VPS36: variants seen among roughly 807,000 people sequenced by gnomAD.
VPS36 encodes the protein vacuolar protein-sorting-associated protein 36.
Under a neutral mutation model 63.5 loss-of-function variants are expected in VPS36, and 31 were observed. The observed-to-expected ratio is 0.49, with a 90% CI of 0.37 to 0.66. The LOEUF is 0.66. VPS36 is among the 30% of genes least tolerant of loss of function. VPS36 has a pLI of 0.00. For synonymous variants in VPS36, 138 were observed against 157.2 expected, an observed-to-expected ratio of 0.88 and a Z score of 0.91; for missense variants, 338 against 463.7, an observed-to-expected ratio of 0.73 and a Z score of 2.49.
chr13:52,429,482 C>G lies in VPS36; in HGVS notation c.529-2263G>C, dbSNP rs1379610938. On this transcript the variant is annotated intron_variant, in intron 6 of 13. Transcript: ENST00000378060. ...TATACACCCCTGCTGCAGCCTATAT[C>G]TTCTCCTTGCAAGGTGTTTCTCCCA... 3 of 161,100 alleles carry G rather than the reference C, an allele frequency of 1.9e-5. No individual in the cohort carries two copies. In the Admixed American group the frequency reaches 2.0e-4, roughly 11 times the overall value. The allele number at this position is 161,100 out of a possible 1,614,324, so 10.0% of individuals were successfully genotyped here.
chr13:52,438,718 G>T (rs1958243680), intron 3 of VPS36, among the ~76,000 whole-genome samples: 1 of 152,138 alleles, frequency 6.6e-6, no homozygotes, highest in Admixed American at 6.6e-5. Context: ...TAAATGTCCT[G>T]CTTTGTACAA....
At chr13:52,434,957 T>A (rs1176044242) in intron 4 of VPS36, 75 bp from the exon 5 acceptor site, 5 of 1,347,488 alleles carry the variant, frequency 3.7e-6, no homozygotes, top group Non-Finnish European at 4.1e-6. Flanking sequence ...TACTTAACAT[T>A]TCTTTCTTTT....
At position 52,447,496 on chromosome 13, in the gene VPS36, C is replaced by T. The variant is rs115400098; in HGVS notation, c.96+3003G>A. 5.6e-3 allele frequency among the ~76,000 whole-genome samples: 853 copies of T among 152,288 alleles called. 4 individuals are homozygous for T. The highest frequency in any genetic ancestry group is 0.02 in the African/African-American group (824 of 41,552). On this transcript the variant is annotated intron_variant, in intron 1 of 13. Coordinates refer to ENST00000378060, the MANE Select transcript of VPS36 (RefSeq NM_016075.4). ...AAGTCAAACAAATGACCTGTCTACA[C>T]TGCTTATGAAAGTAACACATTATCT...
chr13:52,445,603 C>A (rs1958329705), intron 1 of VPS36, among the ~76,000 whole-genome samples: 1 of 131,182 alleles, frequency 7.6e-6, no homozygotes, highest in Admixed American at 8.6e-5. Flanking sequence ...CGTGCCATTG[C>A]ACTCCAGCCT....
At chr13:52,432,187 T>C (rs1024821842) in intron 6 of VPS36, among the ~76,000 whole-genome samples, 1 of 151,952 alleles carries the variant, frequency 6.6e-6, no homozygotes, top group Non-Finnish European at 1.5e-5. Context: ...CCGTCTCTAC[T>C]AAAAATACAA....
chr13:52,425,185 G>A (rs1253029418), intron 9 of VPS36, among the ~76,000 whole-genome samples: 70 of 147,924 alleles, frequency 4.7e-4, no homozygotes, highest in African/African-American at 1.4e-3. Flanking sequence ...CCTGGGAGGC[G>A]GAGCTTGCAG....
rs1958386938 is a variant in VPS36, at chr13:52,450,178, C to G, written c.96+321G>C. On this transcript the variant is annotated intron_variant, in intron 1 of 13. Coordinates refer to ENST00000378060, the MANE Select transcript of VPS36 (RefSeq NM_016075.4). ...CCGCCCGGCGCCCGCAGACGGCGAG[C>G]GCTCCTTCTCCCGGGCACTGCAGCT... 6 of 1,018,848 alleles carry G rather than the reference C, an allele frequency of 5.9e-6. 1 individual carries two copies. The South Asian group carries it at 2.8e-4, about 47-fold the overall frequency. 63.1% of individuals were successfully genotyped at this position (1,018,848 alleles called of 1,614,324 possible).
intron 6 of VPS36, chr13:52,429,196 T>A: frequency 1.1e-6 from 1 of 933,478 alleles, no homozygotes; most frequent in Non-Finnish European, 1.3e-6. Context: ...AAACCAGGAG[T>A]ACCCCCTTAA....
chr13:52,433,644 C>A lies in VPS36; in HGVS notation c.528+18G>T. ...ACAAATGGCTGGAATAGATGGAGAG[C>A]CAGAATTTAACAGTTACCTCAGAAA... On this transcript the variant is annotated intron_variant, in intron 6 of 13. Transcript: ENST00000378060. The A allele has an allele frequency of 6.3e-7, 1 of 1,594,368 alleles. No homozygotes were observed. Among genetic ancestry groups the A allele is most frequent in the Non-Finnish European group, 8.6e-7 (1 of 1,165,098 alleles).
intron 9 of VPS36, among the ~76,000 whole-genome samples, chr13:52,424,140 G>A (rs951283761): frequency 6.6e-6 from 1 of 152,110 alleles, no homozygotes; most frequent in African/African-American, 2.4e-5. Flanking sequence ...GATTACAGGC[G>A]TGAGCCACTG....
chr13:52,424,945 G>A (rs182332852), intron 9 of VPS36, among the ~76,000 whole-genome samples: 369 of 148,566 alleles, frequency 2.5e-3, no homozygotes, highest in African/African-American at 7.1e-3. Context: ...CTGAGATTGC[G>A]CCACTGCACT....
chr13:52,415,711 A>G lies in VPS36; in HGVS notation c.*119T>C, dbSNP rs1211733611. The G allele has an allele frequency of 2.1e-6, 2 of 936,096 alleles. No individual in the cohort carries two copies. Among genetic ancestry groups the G allele is most frequent in the African/African-American group, 3.3e-5 (2 of 60,476 alleles). The allele number at this position is 936,096 out of a possible 1,614,324, so 58.0% of individuals were successfully genotyped here. A position where few individuals can be genotyped will look rare whatever the true frequency, so the allele number is the denominator to read the frequency against. On this transcript the variant is annotated 3_prime_UTR_variant, in exon 14 of 14. Coordinates refer to ENST00000378060, the MANE Select transcript of VPS36 (RefSeq NM_016075.4). ...TAGTGAGAAATTAAAAGAGATTTAC[A>G]TTGCACTGTGAAGTTCCAATAAATT...
rs116549553 is a variant in VPS36 at position 52,442,729 on chromosome 13, A to G, written c.97-284T>C. On this transcript the variant is annotated intron_variant, in intron 1 of 13. Coordinates refer to ENST00000378060, the MANE Select transcript of VPS36 (RefSeq NM_016075.4). ...AAAAGAAATGACGAGGTAGAACTGCATGGATTACCATAGAACTCTAAGACA... is the reference window on the plus strand; with the variant it reads ...AAAAGAAATGACGAGGTAGAACTGCGTGGATTACCATAGAACTCTAAGACA... Among the ~76,000 whole-genome samples the G allele has an allele frequency of 5.4e-3, 820 of 152,348 alleles. 2 individuals carry two copies. The highest frequency in any genetic ancestry group is 0.018 in the African/African-American group (756 of 41,588).
rs764635036 is a variant in VPS36, at chr13:52,439,173, G to A, written c.166-5C>T. On this transcript the variant is annotated splice_region_variant and splice_polypyrimidine_tract_variant and intron_variant, in intron 2 of 13. Transcript: ENST00000378060. ...GAGAATGGCCATGCAACACTCCTAGGAGGAAATCAATAGCTTAAATGAAAG... is the reference window on the plus strand; with the variant it reads ...GAGAATGGCCATGCAACACTCCTAGAAGGAAATCAATAGCTTAAATGAAAG... 3.1e-6 allele frequency: 5 copies of A among 1,612,844 alleles called. No homozygotes were observed. In the East Asian group the frequency reaches 1.1e-4, roughly 36 times the overall value.
chr13:52,433,369 C>T (rs1185344652), intron 6 of VPS36, among the ~76,000 whole-genome samples: 1 of 152,222 alleles, frequency 6.6e-6, no homozygotes, highest in Admixed American at 6.5e-5. Flanking sequence ...GAACCCTGAA[C>T]TCATTAGGAG....
intron 1 of VPS36, chr13:52,450,298 G>A: frequency 8.6e-7 from 1 of 1,160,804 alleles, no homozygotes; most frequent in Non-Finnish European, 1.1e-6. Flanking sequence ...TGGGGAGGCA[G>A]CCGAGCGCCC....
intron 6 of VPS36, chr13:52,429,091 T>C (rs1161951566): frequency 1.2e-5 from 2 of 166,558 alleles, no homozygotes; most frequent in African/African-American, 5.1e-5. Context: ...ATCCATTCTA[T>C]AATTGCATCT....
intron 6 of VPS36, 138 bp downstream of exon 6, chr13:52,433,524 T>C (rs1463607414): frequency 1.5e-6 from 1 of 659,488 alleles, no homozygotes; most frequent in African/African-American, 1.9e-5. Flanking sequence ...GGTAGACCTG[T>C]TAAAGAGAAT....
At chr13:52,434,577 T>C (rs527577468) in intron 5 of VPS36, among the ~76,000 whole-genome samples, 3 of 152,164 alleles carry the variant, frequency 2.0e-5, no homozygotes, top group Non-Finnish European at 2.9e-5. Flanking sequence ...CAGGCTGGTC[T>C]TGAACTCCTG....
Sources: gnomAD v4.1 joint callset for allele counts (sites outside exome capture counted in the v4.1 genomes callset) on GRCh38, gnomAD v4.1.1 for gene constraint, MANE v1.5 for transcripts, NCBI Gene and HGNC (gene_info 2026-07-23, HGNC 2026-07-21) for gene names.